DLGAP1: variants seen among roughly 807,000 people sequenced by gnomAD.
The protein encoded by DLGAP1 is DLG associated protein 1, also known as disks large-associated protein 1.
In DLGAP1, 11 loss-of-function variants were observed where a neutral mutation model predicts 90.8. That is an observed-to-expected ratio of 0.12 (90% confidence interval 0.08 to 0.20). The LOEUF (loss-of-function observed/expected upper bound fraction) is 0.20. DLGAP1 is among the 10% of genes least tolerant of loss of function. DLGAP1 has a pLI of 1.00. For synonymous variants in DLGAP1, 558 were observed against 540.7 expected (o/e 1.03, Z -0.44); for missense variants, 1,050 against 1,333.8 (o/e 0.79, Z 3.31).
chr18:4,128,497 T>C (rs939866241), intron 2 of DLGAP1, among the ~76,000 whole-genome samples: 5 of 152,182 alleles, frequency 3.3e-5, no homozygotes, highest in African/African-American at 7.2e-5. Context: ...ATTATATTAC[T>C]TGACATTTAT....
intron 5 of DLGAP1, among the ~76,000 whole-genome samples, chr18:3,779,296 G>T (rs1364146086): frequency 6.6e-6 from 1 of 151,986 alleles, no homozygotes; most frequent in Non-Finnish European, 1.5e-5. Context: ...GGCTGGTCTC[G>T]AACTCCTGAG....
chr18:3,879,660 G>A lies in DLGAP1; in HGVS notation c.409C>T (p.Arg137Cys). The A allele has an allele frequency of 1.9e-6, 3 of 1,606,104 alleles. No homozygotes were observed. Among genetic ancestry groups the A allele is most frequent in the Non-Finnish European group, 2.5e-6 (3 of 1,179,406 alleles). ...ACCGAGTGCACCAGGTGGCGGATGC[G>A]GCCGGGGCTGTCGCTGCGGTGCTCC... Reference protein sequence around the residue: ...AVEHRSDSPGRIRHLVHSVQK... With the variant: ...AVEHRSDSPGCIRHLVHSVQK... The change falls in exon 4 of 13, where the codon CGC becomes TGC. Residue 137 changes from arginine (R) to cysteine (C), a missense_variant. Coordinates refer to ENST00000315677, the MANE Select transcript of DLGAP1 (RefSeq NM_004746.4). This position sits in a 1 kb window ranked among gnomAD's most constrained non-coding sequence, Gnocchi z 6.6.
chr18:4,333,508 A>C (rs957382780), intron 1 of DLGAP1, among the ~76,000 whole-genome samples: 1 of 151,520 alleles, frequency 6.6e-6, no homozygotes, highest in Non-Finnish European at 1.5e-5. Flanking sequence ...ATTCGTGGTC[A>C]TTTGTTATAA....
intron 1 of DLGAP1, among the ~76,000 whole-genome samples, chr18:4,158,588 A>T (rs1288990330): frequency 6.6e-6 from 1 of 152,168 alleles, no homozygotes; most frequent in Non-Finnish European, 1.5e-5. Context: ...TGCAAACTGA[A>T]TTAATCTGCT....
rs138909508 is a variant in DLGAP1 at position 4,418,601 on chromosome 18, C to T, written c.-267+36405G>A. On this transcript the variant is annotated intron_variant, in intron 1 of 12. Transcript: ENST00000315677. Reference sequence around the variant, plus strand: ...TTCACAGCTTCATTAGTAGACTCAACATAGTTGAAGAAAGAATCAAGGAAT... The same window carrying T: ...TTCACAGCTTCATTAGTAGACTCAATATAGTTGAAGAAAGAATCAAGGAAT... 7.7e-4 allele frequency among the ~76,000 whole-genome samples: 117 copies of T among 152,102 alleles called. 1 individual carries two copies. The highest frequency in any genetic ancestry group is 1.5e-3 in the Non-Finnish European group (102 of 67,998).
intron 5 of DLGAP1, among the ~76,000 whole-genome samples, chr18:3,749,124 T>TTCC (rs1273735718): frequency 1.3e-5 from 2 of 150,396 alleles, no homozygotes; most frequent in African/African-American, 4.9e-5. Flanking sequence ...CCTCCTCCTC[T>TTCC]TCCTCCTCCT....
intron 3 of DLGAP1, among the ~76,000 whole-genome samples, chr18:3,974,996 A>G (rs930280320): frequency 6.6e-6 from 1 of 152,158 alleles, no homozygotes; most frequent in Non-Finnish European, 1.5e-5. Context: ...GTAGACACAG[A>G]AAGTGGAATG....
chr18:4,341,511 A>G (rs2081187360), intron 1 of DLGAP1, among the ~76,000 whole-genome samples: 1 of 152,088 alleles, frequency 6.6e-6, no homozygotes, highest in East Asian at 1.9e-4. Context: ...CCAAATACTT[A>G]ATTTCCTCCA....
At chr18:4,407,751 C>T (rs1028801318) in intron 1 of DLGAP1, among the ~76,000 whole-genome samples, 2 of 151,944 alleles carry the variant, frequency 1.3e-5, no homozygotes, top group African/African-American at 4.8e-5. Context: ...GGAGTGGTGG[C>T]ATGTGTCTGT....
intron 3 of DLGAP1, among the ~76,000 whole-genome samples, chr18:3,939,630 A>G (rs2072726756): frequency 6.6e-6 from 1 of 152,168 alleles, no homozygotes; most frequent in Admixed American, 6.5e-5. Flanking sequence ...ACATATCTAC[A>G]TATCTGCATA....
intron 9 of DLGAP1, among the ~76,000 whole-genome samples, chr18:3,551,345 G>T (rs1207811900): frequency 1.3e-5 from 2 of 151,678 alleles, no homozygotes; most frequent in African/African-American, 2.4e-5. Flanking sequence ...CACCTCCCAG[G>T]TTCCACGATT....
chr18:4,443,164 A>G (rs1206630044), intron 1 of DLGAP1, among the ~76,000 whole-genome samples: 1 of 152,272 alleles, frequency 6.6e-6, no homozygotes, highest in African/African-American at 2.4e-5. Context: ...TTGGTTCTCA[A>G]TGCAGAACAT....
chr18:3,699,905 A>G (rs2061222864), intron 7 of DLGAP1, among the ~76,000 whole-genome samples: 1 of 152,156 alleles, frequency 6.6e-6, no homozygotes, highest in African/African-American at 2.4e-5. Flanking sequence ...AAACTTCCCC[A>G]TGGCTTTGTT....
chr18:3,604,089 T>A (rs954676791), intron 7 of DLGAP1: 33 of 153,748 alleles, frequency 2.1e-4, no homozygotes, highest in African/African-American at 7.9e-4. Context: ...GAATTCCAAA[T>A]TTGATGCCAA....
intron 2 of DLGAP1, among the ~76,000 whole-genome samples, chr18:4,025,889 A>G (rs2074691751): frequency 6.6e-6 from 1 of 152,218 alleles, no homozygotes. Context: ...AGTTACTTTG[A>G]TTTGAAACAA....
At chr18:3,968,304 T>C (rs2073371552) in intron 3 of DLGAP1, among the ~76,000 whole-genome samples, 1 of 152,148 alleles carries the variant, frequency 6.6e-6, no homozygotes, top group Non-Finnish European at 1.5e-5. Context: ...TTACCCCAAT[T>C]TCACATCATT....
chr18:4,375,865 C>T (rs1428155431), intron 1 of DLGAP1, among the ~76,000 whole-genome samples: 2 of 151,756 alleles, frequency 1.3e-5, no homozygotes, highest in Non-Finnish European at 2.9e-5. Flanking sequence ...ATATTTAAGA[C>T]TATCCATACA....
chr18:3,917,945 A>G (rs143517754), intron 3 of DLGAP1, among the ~76,000 whole-genome samples: 1 of 152,300 alleles, frequency 6.6e-6, no homozygotes, highest in East Asian at 1.9e-4. Context: ...GGAGATAAAG[A>G]AAAGGAAACC....
chr18:4,058,061 T>A (rs2075247755), intron 2 of DLGAP1, among the ~76,000 whole-genome samples: 1 of 152,152 alleles, frequency 6.6e-6, no homozygotes, highest in Non-Finnish European at 1.5e-5. Flanking sequence ...ACAGGAGGCT[T>A]ATGAGAGTAG....
Sources: gnomAD v4.1 joint callset for allele counts (sites outside exome capture counted in the v4.1 genomes callset) on GRCh38, gnomAD v4.1.1 for gene constraint, Gnocchi (gnomAD v3.1) non-coding constraint, MANE v1.5 for transcripts, NCBI Gene and HGNC (gene_info 2026-07-23, HGNC 2026-07-21) for gene names.